Variants in TUT4 observed in about 807,000 individuals in gnomAD.
The protein encoded by TUT4 is terminal uridylyltransferase 4.
A neutral mutation model predicts 192.2 loss-of-function variants in TUT4; 36 were observed. The ratio of observed to expected loss-of-function variants is 0.19; its 90% CI spans 0.14 to 0.25. The LOEUF (loss-of-function observed/expected upper bound fraction) is 0.25. Among genes scored for constraint, TUT4 ranks in the 10% least tolerant of loss-of-function variants. TUT4 has a pLI of 1.00. For missense variants in TUT4, 1,493 were observed against 1,957.2 expected (o/e 0.76, Z 4.47); for synonymous variants, 618 against 666.0 (o/e 0.93, Z 1.11).
chr1:52,426,096 T>C (rs2148030029), intron 28 of TUT4, among the ~76,000 whole-genome samples: 1 of 152,258 alleles, frequency 6.6e-6, no homozygotes, highest in African/African-American at 2.4e-5. Flanking sequence ...ATGCCAACTA[T>C]CCCAGAATCA....
At chr1:52,550,327 T>C (rs1237804162) in intron 1 of TUT4, among the ~76,000 whole-genome samples, 1 of 152,160 alleles carries the variant, frequency 6.6e-6, no homozygotes, top group Admixed American at 6.5e-5. Flanking sequence ...CTTTCTGGAA[T>C]TGTTCTTTTT....
rs749281925 is a variant in TUT4, at chr1:52,474,988, T to C, written c.2571A>G (p.Glu857=). Residue 857 remains glutamate (E), a synonymous_variant, in exon 13 of 30, where the codon GAA becomes GAG. Transcript: ENST00000257177. Reference sequence around the variant, plus strand: ...ACACACTCTGATGTGAACTCTCTGTTTCTAAATTTGACCTGCAGTCTGTTC... The same window carrying C: ...ACACACTCTGATGTGAACTCTCTGTCTCTAAATTTGACCTGCAGTCTGTTC... The part of the protein sequence containing the change: ...STGTDCRSNL[E]TESSHQSVCT... The C allele has an allele frequency of 2.5e-6, 4 of 1,614,190 alleles. No individual in the cohort carries two copies. In the South Asian group the frequency reaches 3.3e-5, roughly 13 times the overall value.
At chr1:52,471,852 GCAAAA>G in intron 14 of TUT4, 95 bp downstream of exon 14, 1 of 1,322,268 alleles carries the variant, frequency 7.6e-7, no homozygotes, top group East Asian at 2.6e-5. Flanking sequence ...AAAACCTCTA[GCAAAA>G]CAAAACGTAA....
intron 8 of TUT4, among the ~76,000 whole-genome samples, chr1:52,490,137 T>A (rs1670762464): frequency 6.6e-6 from 1 of 150,848 alleles, no homozygotes; most frequent in Admixed American, 6.8e-5. Flanking sequence ...TGTGAGATCC[T>A]TGAGAAGAGA....
At chr1:52,551,069 T>G (rs1240185604) in intron 1 of TUT4, among the ~76,000 whole-genome samples, 2 of 152,230 alleles carry the variant, frequency 1.3e-5, no homozygotes, top group Admixed American at 1.3e-4. Context: ...TACATTTTGA[T>G]TCTAAAAGGT....
chr1:52,526,157 C>T lies in TUT4; in HGVS notation c.124G>A (p.Val42Ile), dbSNP rs766066862. The T allele has an allele frequency of 1.6e-4, 263 of 1,612,244 alleles. No homozygotes were observed. Among genetic ancestry groups the T allele is most frequent in the Admixed American group, 2.2e-4 (13 of 59,808 alleles). ...GGAGAGCTGTTCTCAATTTCTTTTA[C>T]GGATTTATCATTTCTAGCTTTCAAT... Reference protein sequence around the residue: ...QTLKARNDKSVKEIENSSPNR... With the variant: ...QTLKARNDKSIKEIENSSPNR... Residue 42 changes from valine to isoleucine, a missense_variant, in exon 2 of 30, where the codon GTA (valine) becomes ATA (isoleucine). Around this residue, in one of 7 missense-constraint regions of TUT4, gnomAD observed 260 missense variants for 247.8 expected, o/e 1.05. Coordinates refer to ENST00000257177, the MANE Select transcript of TUT4 (RefSeq NM_001009881.3).
At chr1:52,493,300 C>A (rs1324513125) in intron 7 of TUT4, among the ~76,000 whole-genome samples, 3 of 152,108 alleles carry the variant, frequency 2.0e-5, no homozygotes, top group Non-Finnish European at 4.4e-5. Context: ...TCAGGCTGGT[C>A]CCAAACGCCT....
chr1:52,540,239 G>A (rs13373893), intron 1 of TUT4, among the ~76,000 whole-genome samples: 13,148 of 146,550 alleles, frequency 0.09, 1,925 homozygotes, highest in African/African-American at 0.31. Context: ...AAAAATGGCC[G>A]GACGCGGTGG....
At chr1:52,525,052 C>G (rs1681350006) in intron 2 of TUT4, among the ~76,000 whole-genome samples, 1 of 152,228 alleles carries the variant, frequency 6.6e-6, no homozygotes, top group South Asian at 2.1e-4. Context: ...TGTGCTCTCT[C>G]AACTTCAATT....
intron 4 of TUT4, among the ~76,000 whole-genome samples, chr1:52,497,527 T>TAGCA (rs1672764250): frequency 6.6e-6 from 1 of 152,258 alleles, no homozygotes; most frequent in Admixed American, 6.5e-5. Context: ...GTCTTAGATG[T>TAGCA]AGCAGAAAAG....
intron 1 of TUT4, among the ~76,000 whole-genome samples, chr1:52,546,546 T>C (rs192774524): frequency 1.3e-5 from 2 of 152,242 alleles, no homozygotes; most frequent in Admixed American, 1.3e-4. Flanking sequence ...AACGGGAAAT[T>C]ATCATTTAAT....
intron 9 of TUT4, among the ~76,000 whole-genome samples, chr1:52,488,282 C>T (rs1157531109): frequency 4.6e-5 from 7 of 152,086 alleles, no homozygotes. Flanking sequence ...AATACTCTAC[C>T]GATAGGGCAG....
At chr1:52,512,877 G>GAACT (rs1479798424) in intron 3 of TUT4, among the ~76,000 whole-genome samples, 5 of 150,396 alleles carry the variant, frequency 3.3e-5, no homozygotes, top group Non-Finnish European at 7.4e-5. Flanking sequence ...TGGAAACACT[G>GAACT]AACTAAAGGA....
At chr1:52,529,638 G>C (rs944649735) in intron 1 of TUT4, 53 of 152,034 alleles carry the variant, frequency 3.5e-4, no homozygotes, top group African/African-American at 1.3e-3. Flanking sequence ...AAATAACAAT[G>C]CTGATTCACA....
intron 1 of TUT4, among the ~76,000 whole-genome samples, chr1:52,541,823 T>C (rs925090833): frequency 3.3e-5 from 5 of 152,162 alleles, no homozygotes; most frequent in Non-Finnish European, 7.4e-5. Context: ...AAATTAAACA[T>C]AGAATGATCC....
At chr1:52,436,003 T>C (rs1653663326) in intron 26 of TUT4, among the ~76,000 whole-genome samples, 2 of 152,118 alleles carry the variant, frequency 1.3e-5, no homozygotes, top group African/African-American at 2.4e-5. Flanking sequence ...AATGTTCTCT[T>C]ATTTTTTTTT....
intron 3 of TUT4, among the ~76,000 whole-genome samples, chr1:52,513,856 C>T (rs1420445532): frequency 6.6e-6 from 1 of 152,110 alleles, no homozygotes; most frequent in East Asian, 1.9e-4. Context: ...ACATAAAAGG[C>T]ACTCAATATT....
At chr1:52,531,485 T>G (rs967029127) in intron 1 of TUT4, among the ~76,000 whole-genome samples, 8 of 152,168 alleles carry the variant, frequency 5.3e-5, no homozygotes, top group African/African-American at 1.7e-4. Context: ...CCCATGAGAT[T>G]CTCAAGTCTA....
At chr1:52,445,221 G>A (rs1365054883) in intron 24 of TUT4, among the ~76,000 whole-genome samples, 1 of 151,922 alleles carries the variant, frequency 6.6e-6, no homozygotes, top group African/African-American at 2.4e-5. Flanking sequence ...ACCAGAGTGA[G>A]GCCAAGAGGA....
Sources: allele counts gnomAD v4.1 joint callset (sites outside exome capture counted in the v4.1 genomes callset), GRCh38; gene constraint gnomAD v4.1.1; regional missense constraint gnomAD v4.1.1; transcripts MANE v1.5; gene names NCBI Gene and HGNC (gene_info 2026-07-23, HGNC 2026-07-21).